The following SRGAP2B variants were observed in gnomAD, a reference collection of about 807,000 sequenced individuals.
SRGAP2B encodes SLIT-ROBO Rho GTPase activating protein 2B.
In SRGAP2B, 9 loss-of-function variants were observed where a neutral mutation model predicts 22.2. The observed-to-expected ratio is 0.41, with a 90% confidence interval of 0.24 to 0.71. SRGAP2B has a LOEUF of 0.71. Among genes scored for constraint, SRGAP2B ranks in the 30% least tolerant of loss-of-function variants. The pLI is 0.35. For synonymous variants in SRGAP2B, 36 were observed against 87.4 expected, an observed-to-expected ratio of 0.41 and a Z score of 3.28; for missense variants, 114 against 235.8, an observed-to-expected ratio of 0.48 and a Z score of 3.38.
intron 2 of SRGAP2B, among the ~76,000 whole-genome samples, chr1:145,000,660 TC>T (rs1225198029): frequency 6.8e-6 from 1 of 147,946 alleles, no homozygotes; most frequent in East Asian, 2.0e-4. Flanking sequence ...GAGATCCCTT[TC>T]TTTCCTCCTT....
chr1:144,966,050 A>C (rs1336388099), intron 3 of SRGAP2B, among the ~76,000 whole-genome samples: 1 of 150,394 alleles, frequency 6.6e-6, no homozygotes, highest in Non-Finnish European at 1.5e-5. Context: ...GAATGGAACC[A>C]AGTTGGAAAA....
intron 2 of SRGAP2B, among the ~76,000 whole-genome samples, chr1:145,047,170 T>C (rs1472341324): frequency 3.6e-5 from 3 of 82,950 alleles, no homozygotes; most frequent in Admixed American, 3.0e-4. Flanking sequence ...AGCAAGACTC[T>C]GTCTCAAAAA....
chr1:144,939,662 T>C (rs1665880868), intron 4 of SRGAP2B, among the ~76,000 whole-genome samples: 2 of 149,290 alleles, frequency 1.3e-5, no homozygotes. Context: ...TGGTTATTTG[T>C]GGTCCTGAAT....
intron 2 of SRGAP2B, among the ~76,000 whole-genome samples, chr1:145,030,204 T>C (rs1553625738): frequency 6.8e-6 from 1 of 147,612 alleles, no homozygotes. Context: ...AGTCTGATTC[T>C]ATTCTCCCCT....
intron 4 of SRGAP2B, among the ~76,000 whole-genome samples, chr1:144,954,615 C>T (rs1667126052): frequency 6.6e-6 from 1 of 150,616 alleles, no homozygotes; most frequent in Admixed American, 6.6e-5. Flanking sequence ...TGTAACCCAA[C>T]CTCATGAATA....
At chr1:144,902,622 C>T (rs1320643261) in intron 7 of SRGAP2B, among the ~76,000 whole-genome samples, 362 of 137,666 alleles carry the variant, frequency 2.6e-3, no homozygotes, top group Non-Finnish European at 3.6e-3. Context: ...ATTAGCTGGG[C>T]GTGGTGGCGG....
At chr1:144,992,115 G>A (rs1388295691) in intron 3 of SRGAP2B, among the ~76,000 whole-genome samples, 3 of 149,884 alleles carry the variant, frequency 2.0e-5, no homozygotes, top group African/African-American at 5.0e-5. Flanking sequence ...CTCCAGACGC[G>A]CTGCCTTAAG....
At chr1:144,970,382 TA>T (rs1668415102) in intron 3 of SRGAP2B, among the ~76,000 whole-genome samples, 1 of 113,084 alleles carries the variant, frequency 8.8e-6, no homozygotes, top group African/African-American at 3.7e-5. Context: ...TCATTCTCAG[TA>T]AACTATCGCA....
Position 144,906,481 on chromosome 1 carries a change from C to T in SRGAP2B, c.487-407G>A. On this transcript the variant is annotated intron_variant, in intron 5 of 9. Transcript: ENST00000612199. ...AAGCCTTTCTGGGCTGGTCAGGAAC[C>T]CCGAAGAGGGCAGTGCAGCCTATGG... 2.1e-5 allele frequency among the ~76,000 whole-genome samples: 3 copies of T among 144,690 alleles called. No homozygotes were observed. In the South Asian group the frequency reaches 6.5e-4, roughly 32 times the overall value. The allele number at this position is 144,690 out of a possible 152,430, so 94.9% of individuals were successfully genotyped here.
At chr1:145,031,812 A>G (rs1332464369) in intron 2 of SRGAP2B, among the ~76,000 whole-genome samples, 1 of 137,962 alleles carries the variant, frequency 7.2e-6, no homozygotes, top group Non-Finnish European at 1.5e-5. Context: ...GCGCCACTGC[A>G]CTCCAGCCTG....
chr1:144,966,009 G>T lies in SRGAP2B; in HGVS notation c.261-10408C>A, dbSNP rs587669607. On this transcript the variant is annotated intron_variant, in intron 3 of 9. Coordinates refer to ENST00000612199, the Ensembl canonical transcript of SRGAP2B. Reference sequence around the variant, plus strand: ...GACTATGTGAAAAGACCAAATCTACGTCTGATTGGTGTACCTGAAAGTGAG... The same window carrying T: ...GACTATGTGAAAAGACCAAATCTACTTCTGATTGGTGTACCTGAAAGTGAG... Among the ~76,000 whole-genome samples, 1,035 of 150,820 alleles carry T rather than the reference G, an allele frequency of 6.9e-3. 33 individuals are homozygous for T. The highest frequency in any genetic ancestry group is 0.024 in the African/African-American group (981 of 40,360).
intron 4 of SRGAP2B, among the ~76,000 whole-genome samples, chr1:144,915,772 A>G (rs1230474363): frequency 8.0e-5 from 12 of 150,874 alleles, no homozygotes; most frequent in African/African-American, 3.0e-4. Flanking sequence ...GGAAGCAGGA[A>G]GGAAATTGTC....
At chr1:145,044,650 TAAAAAAAAAAA>T (rs1184404731) in intron 2 of SRGAP2B, among the ~76,000 whole-genome samples, 7 of 30,656 alleles carry the variant, frequency 2.3e-4, no homozygotes, top group African/African-American at 5.3e-4. Flanking sequence ...AACCCCCTCC[TAAAAAAAAAAA>T]AAAAAAAAAA....
In SRGAP2B at chr1:144,911,973, CAG is replaced by C. The variant is rs1355703095; in HGVS notation, c.486+2717_486+2718del. ...TTCTTTTTTTTTTTTTTTTTTGAGA[CAG>C]AGTCTCGCTCTGTTGCCCAGGCTGG... On this transcript the variant is annotated intron_variant, in intron 5 of 9. Coordinates refer to ENST00000612199, the Ensembl canonical transcript of SRGAP2B. 1.5e-4 allele frequency among the ~76,000 whole-genome samples: 19 copies of C among 126,450 alleles called. No homozygotes were observed. The South Asian group carries it at 4.4e-3, about 30-fold the overall frequency. 83.0% of individuals were successfully genotyped at this position (126,450 alleles called of 152,430 possible).
intron 3 of SRGAP2B, among the ~76,000 whole-genome samples, chr1:144,986,997 T>G (rs1669770764): frequency 6.6e-6 from 1 of 150,962 alleles, no homozygotes; most frequent in Non-Finnish European, 1.5e-5. Flanking sequence ...ACTTCTCCAT[T>G]GTCTCAACTG....
At chr1:145,019,877 C>T (rs148348877) in intron 2 of SRGAP2B, among the ~76,000 whole-genome samples, 4,361 of 150,636 alleles carry the variant, frequency 0.029, 425 homozygotes, top group African/African-American at 0.1. Context: ...AGTCCTTTTC[C>T]GCCTCATTCC....
At chr1:144,903,531 GA>G (rs1662766021) in intron 7 of SRGAP2B, among the ~76,000 whole-genome samples, 3 of 101,568 alleles carry the variant, frequency 3.0e-5, no homozygotes, top group Admixed American at 2.3e-4. Flanking sequence ...TAATACCAGG[GA>G]ATTAGTCCAG....
At chr1:144,985,310 G>T (rs1289237450) in intron 3 of SRGAP2B, among the ~76,000 whole-genome samples, 1 of 139,782 alleles carries the variant, frequency 7.2e-6, no homozygotes, top group East Asian at 2.0e-4. Context: ...TGGGAGAAAC[G>T]CTGAAAAGAT....
At chr1:144,931,808 G>A (rs1665207382) in intron 4 of SRGAP2B, among the ~76,000 whole-genome samples, 1 of 137,476 alleles carries the variant, frequency 7.3e-6, no homozygotes, top group Non-Finnish European at 1.5e-5. Flanking sequence ...TCCTGTGGAA[G>A]CCTTCAACAG....
Sources: allele counts gnomAD v4.1 joint callset (sites outside exome capture counted in the v4.1 genomes callset), GRCh38; gene constraint gnomAD v4.1.1; transcripts MANE v1.5; gene names NCBI Gene and HGNC (gene_info 2026-07-23, HGNC 2026-07-21).